FREM2: variants seen among roughly 807,000 people sequenced by gnomAD.
FREM2 encodes FRAS1 related extracellular matrix 2, also known as FRAS1-related extracellular matrix protein 2.
A neutral mutation model predicts 219.9 loss-of-function variants in FREM2; 119 were observed. The observed-to-expected ratio is 0.54, with a 90% CI of 0.47 to 0.63. The LOEUF (loss-of-function observed/expected upper bound fraction) is 0.63, where lower values mean the gene tolerates loss of function less well. Ranked by LOEUF, FREM2 falls within the 30% of genes least tolerant of loss-of-function variation. FREM2 has a pLI of 0.00. For missense variants in FREM2, 4,030 were observed against 3,993.6 expected, an observed-to-expected ratio of 1.01 and a Z score of -0.25; for synonymous variants, 1,562 against 1,522.8, an observed-to-expected ratio of 1.03 and a Z score of -0.60.
intron 6 of FREM2, among the ~76,000 whole-genome samples, chr13:38,841,085 T>A (rs1011931485): frequency 6.6e-6 from 1 of 152,134 alleles, no homozygotes; most frequent in Non-Finnish European, 1.5e-5. Flanking sequence ...TTTGGGGAAA[T>A]CTCTTAATCT....
intron 6 of FREM2, among the ~76,000 whole-genome samples, chr13:38,845,938 A>G (rs9603451): frequency 0.12 from 18,490 of 152,200 alleles, 2,570 homozygotes; most frequent in African/African-American, 0.34. Context: ...TAACCTCTTC[A>G]TATGAGATTA....
chr13:38,834,286 G>A (rs999702702), intron 6 of FREM2, among the ~76,000 whole-genome samples: 1 of 151,608 alleles, frequency 6.6e-6, no homozygotes, highest in Non-Finnish European at 1.5e-5. Context: ...TTCTGTTCCT[G>A]TGTTAGTTTG....
At chr13:38,742,374 T>A (rs981297017) in intron 2 of FREM2, among the ~76,000 whole-genome samples, 1 of 152,194 alleles carries the variant, frequency 6.6e-6, no homozygotes, top group Non-Finnish European at 1.5e-5. Flanking sequence ...AGAGAAATTA[T>A]ATGGACTAGA....
intron 6 of FREM2, among the ~76,000 whole-genome samples, chr13:38,842,146 GT>G (rs1876986525): frequency 6.6e-6 from 1 of 152,206 alleles, no homozygotes. Flanking sequence ...GGATTGTTTA[GT>G]AGAAAAGGGG....
intron 6 of FREM2, among the ~76,000 whole-genome samples, chr13:38,796,842 A>G (rs8002615): frequency 1.4e-3 from 217 of 151,590 alleles, no homozygotes; most frequent in African/African-American, 5.1e-3. Flanking sequence ...AAAAATTTTT[A>G]TACTGTTTTT....
intron 11 of FREM2, among the ~76,000 whole-genome samples, chr13:38,855,736 T>G (rs186424985): frequency 8.0e-4 from 122 of 151,846 alleles, no homozygotes; most frequent in South Asian, 7.7e-3. Context: ...AGGGAAAGGG[T>G]GGGAGGGAGG....
intron 16 of FREM2, among the ~76,000 whole-genome samples, chr13:38,872,129 A>T (rs565936914): frequency 1.1e-4 from 16 of 152,232 alleles, no homozygotes; most frequent in Non-Finnish European, 2.1e-4. Flanking sequence ...CAGGGGAATT[A>T]AGTATTGAAA....
intron 14 of FREM2, 61 bp downstream of exon 14, chr13:38,859,651 T>G: frequency 2.1e-6 from 3 of 1,439,992 alleles, no homozygotes; most frequent in Non-Finnish European, 2.9e-6. Context: ...TACAAATGTC[T>G]ACTTTCTGGT....
intron 6 of FREM2, among the ~76,000 whole-genome samples, chr13:38,837,014 G>A (rs1484025666): frequency 6.6e-6 from 1 of 152,090 alleles, no homozygotes; most frequent in Admixed American, 6.6e-5. Context: ...TGCTTCTTTA[G>A]TTCTTTTAAT....
intron 2 of FREM2, among the ~76,000 whole-genome samples, chr13:38,705,290 G>A (rs1009066779): frequency 2.0e-5 from 3 of 152,126 alleles, no homozygotes; most frequent in African/African-American, 4.8e-5. Context: ...AAAGGAGACC[G>A]TAAGCATGAT....
At chr13:38,716,144 A>T (rs76876316) in intron 2 of FREM2, among the ~76,000 whole-genome samples, 18,213 of 152,008 alleles carry the variant, frequency 0.12, 1,262 homozygotes, top group Middle Eastern at 0.24. Context: ...CCCCTAAAAA[A>T]CCTAGAAGAG....
At chr13:38,781,802 G>A (rs1874128478) in intron 4 of FREM2, among the ~76,000 whole-genome samples, 1 of 152,152 alleles carries the variant, frequency 6.6e-6, no homozygotes. Flanking sequence ...AATGCTTCGA[G>A]GCTAATGAGA....
chr13:38,712,621 C>T (rs1028628860), intron 2 of FREM2, among the ~76,000 whole-genome samples: 4 of 148,576 alleles, frequency 2.7e-5, no homozygotes, highest in Non-Finnish European at 5.9e-5. Flanking sequence ...CTCTCTTTCT[C>T]TCTGTCTCTT....
At chr13:38,856,953 G>A (rs1226940193) in intron 12 of FREM2, among the ~76,000 whole-genome samples, 3 of 151,836 alleles carry the variant, frequency 2.0e-5, no homozygotes, top group Non-Finnish European at 4.4e-5. Flanking sequence ...AGTTCAAGCT[G>A]GGAAACGTTT....
chr13:38,745,686 T>C (rs148235442), intron 2 of FREM2, among the ~76,000 whole-genome samples: 99 of 152,328 alleles, frequency 6.5e-4, no homozygotes, highest in African/African-American at 2.3e-3. Flanking sequence ...TTTGTTGTTG[T>C]TGTTTGTCTC....
At chr13:38,775,226 C>T (rs766365267) in intron 4 of FREM2, among the ~76,000 whole-genome samples, 2 of 152,108 alleles carry the variant, frequency 1.3e-5, no homozygotes, top group East Asian at 1.9e-4. Context: ...AAATTCTACA[C>T]GTTGTCAGTG....
chr13:38,746,623 C>T (rs1242892347), intron 2 of FREM2, among the ~76,000 whole-genome samples: 1 of 151,908 alleles, frequency 6.6e-6, no homozygotes, highest in South Asian at 2.1e-4. Context: ...CAAAGAGCCT[C>T]ATTTATAGGA....
chr13:38,876,522 A>G, intron 20 of FREM2, 140 bp downstream of exon 20: 2 of 753,960 alleles, frequency 2.7e-6, no homozygotes, highest in Non-Finnish European at 4.5e-6. Flanking sequence ...ACAGTTAAGG[A>G]AGCTAGGGAT....
At chr13:38,700,155 A>G (rs1870286705) in intron 2 of FREM2, among the ~76,000 whole-genome samples, 1 of 152,098 alleles carries the variant, frequency 6.6e-6, no homozygotes, top group African/African-American at 2.4e-5. Flanking sequence ...AACATAATTC[A>G]ATTTAAGGGA....
Sources: gnomAD v4.1 joint callset for allele counts (sites outside exome capture counted in the v4.1 genomes callset) on GRCh38, gnomAD v4.1.1 for gene constraint, MANE v1.5 for transcripts, NCBI Gene and HGNC (gene_info 2026-07-23, HGNC 2026-07-21) for gene names.